SLC35F4: variants seen among roughly 807,000 people sequenced by gnomAD.
SLC35F4 encodes chromosome 14 open reading frame 36.
A neutral mutation model predicts 44.2 loss-of-function variants in SLC35F4; 24 were observed. The ratio of observed to expected loss-of-function variants is 0.54; its 90% confidence interval spans 0.39 to 0.76. The LOEUF (loss-of-function observed/expected upper bound fraction) is 0.76. Ranked by LOEUF, SLC35F4 falls within the 30% of genes least tolerant of loss-of-function variation. The probability of loss-of-function intolerance (pLI) is 0.00; values close to 1 mark genes in which losing one functional copy is unlikely to be tolerated. For synonymous variants in SLC35F4, 238 were observed against 223.6 expected (o/e 1.06, Z -0.57); for missense variants, 562 against 586.1 (o/e 0.96, Z 0.42).
chr14:57,659,554 T>G (rs1322923512), intron 1 of SLC35F4, among the ~76,000 whole-genome samples: 1 of 152,076 alleles, frequency 6.6e-6, no homozygotes, highest in Non-Finnish European at 1.5e-5. Context: ...TCCCACTTTA[T>G]AGATGAGGAA....
intron 1 of SLC35F4, among the ~76,000 whole-genome samples, chr14:57,814,721 G>A (rs1030329344): frequency 2.0e-5 from 3 of 152,148 alleles, no homozygotes; most frequent in Non-Finnish European, 4.4e-5. Context: ...GTGGTTTCAG[G>A]TAGGTTTGAA....
intron 1 of SLC35F4, among the ~76,000 whole-genome samples, chr14:57,644,620 T>G (rs969838180): frequency 1.4e-4 from 21 of 152,272 alleles, no homozygotes; most frequent in East Asian, 3.9e-4. Context: ...TTAGTTTAAT[T>G]AGATCCCATT....
At chr14:57,872,645 G>C (rs1464080848) in intron 1 of SLC35F4, among the ~76,000 whole-genome samples, 1 of 152,098 alleles carries the variant, frequency 6.6e-6, no homozygotes, top group African/African-American at 2.4e-5. Flanking sequence ...AAAGTGCAGG[G>C]GACAGATGTA....
intron 1 of SLC35F4, among the ~76,000 whole-genome samples, chr14:57,780,421 CA>C (rs1010093802): frequency 1.6e-4 from 24 of 150,492 alleles, no homozygotes; most frequent in Non-Finnish European, 2.7e-4. Context: ...AAACACTACT[CA>C]AAAAAAAATC....
intron 1 of SLC35F4, among the ~76,000 whole-genome samples, chr14:57,662,428 A>G (rs1393093669): frequency 3.9e-5 from 6 of 152,186 alleles, no homozygotes; most frequent in African/African-American, 1.4e-4. Flanking sequence ...GGTCTTTAAG[A>G]TGAATTCATG....
At chr14:57,698,538 G>A (rs1349360630) in intron 1 of SLC35F4, among the ~76,000 whole-genome samples, 2 of 152,054 alleles carry the variant, frequency 1.3e-5, no homozygotes, top group East Asian at 3.9e-4. Flanking sequence ...TACTTCTTGA[G>A]GTTCAAGCAG....
At chr14:57,634,619 G>C (rs1161190977) in intron 1 of SLC35F4, among the ~76,000 whole-genome samples, 3 of 152,112 alleles carry the variant, frequency 2.0e-5, no homozygotes, top group Admixed American at 2.0e-4. Context: ...AACCTGTAAA[G>C]GCAGGCAGGG....
At chr14:57,623,284 C>T (rs2072295977) in intron 1 of SLC35F4, among the ~76,000 whole-genome samples, 1 of 152,064 alleles carries the variant, frequency 6.6e-6, no homozygotes, top group Non-Finnish European at 1.5e-5. Context: ...TATATGTGCC[C>T]AATACAGAAG....
At chr14:57,651,574 A>G (rs2073784912) in intron 1 of SLC35F4, among the ~76,000 whole-genome samples, 1 of 152,118 alleles carries the variant, frequency 6.6e-6, no homozygotes, top group South Asian at 2.1e-4. Context: ...CACAGGAAGC[A>G]AGAGGAACCA....
chr14:57,800,078 T>C (rs559040810), intron 1 of SLC35F4, among the ~76,000 whole-genome samples: 2 of 151,992 alleles, frequency 1.3e-5, no homozygotes, highest in Non-Finnish European at 2.9e-5. Context: ...CCAACAGGGG[T>C]CTCTAGCCAC....
At chr14:57,641,156 C>G (rs573656416) in intron 1 of SLC35F4, among the ~76,000 whole-genome samples, 2 of 151,970 alleles carry the variant, frequency 1.3e-5, no homozygotes, top group African/African-American at 4.8e-5. Context: ...AAAATGTAAG[C>G]CTTTTTCTAT....
chr14:57,778,971 C>T (rs928296518), intron 1 of SLC35F4, among the ~76,000 whole-genome samples: 15 of 152,030 alleles, frequency 9.9e-5, no homozygotes, highest in African/African-American at 3.4e-4. Context: ...ACTGATAAAG[C>T]AGTGTTAAGA....
intron 1 of SLC35F4, among the ~76,000 whole-genome samples, chr14:57,676,478 T>A (rs2049138650): frequency 6.6e-6 from 1 of 152,084 alleles, no homozygotes. Flanking sequence ...CAGGGCTTAA[T>A]ACCTAGGTGA....
At chr14:57,783,285 C>T (rs2140757033) in intron 1 of SLC35F4, among the ~76,000 whole-genome samples, 1 of 151,996 alleles carries the variant, frequency 6.6e-6, no homozygotes, top group East Asian at 1.9e-4. Flanking sequence ...TATCAAGCAG[C>T]TTCTGTCCAC....
chr14:57,566,487 G>GA lies in SLC35F4; in HGVS notation c.1203dup (p.Pro402SerfsTer37), dbSNP rs1566621063. ...ATGGTGCCTGTACCTGCATTTCCAG[G>GA]AACGCTGAGCACTGTCCCAATGGAG... On this transcript the variant is annotated frameshift_variant, in exon 7 of 8. Transcript: ENST00000556826. LOFTEE classifies it high-confidence loss of function. The GA allele has an allele frequency of 3.8e-6, 6 of 1,594,094 alleles. No individual in the cohort carries two copies. Among genetic ancestry groups the GA allele is most frequent in the Non-Finnish European group, 5.1e-6 (6 of 1,170,394 alleles).
intron 1 of SLC35F4, among the ~76,000 whole-genome samples, 197 bp downstream of exon 1, chr14:57,865,526 C>G (rs1888082007): frequency 6.6e-6 from 1 of 152,186 alleles, no homozygotes; most frequent in South Asian, 2.1e-4. Flanking sequence ...GCCCCTTGCC[C>G]TCTCACGGTT....
intron 1 of SLC35F4, among the ~76,000 whole-genome samples, chr14:57,764,920 T>G (rs2077201072): frequency 6.6e-6 from 1 of 152,344 alleles, no homozygotes; most frequent in South Asian, 2.1e-4. Flanking sequence ...TTTTCAAACT[T>G]GAAACCACTT....
At chr14:57,853,953 C>G (rs1379057207) in intron 1 of SLC35F4, among the ~76,000 whole-genome samples, 1 of 152,202 alleles carries the variant, frequency 6.6e-6, no homozygotes, top group Middle Eastern at 3.2e-3. Context: ...AACAAACCAT[C>G]ACTAATACTC....
intron 3 of SLC35F4, among the ~76,000 whole-genome samples, chr14:57,588,604 A>G (rs1046773013): frequency 6.6e-6 from 1 of 152,190 alleles, no homozygotes; most frequent in Non-Finnish European, 1.5e-5. Context: ...TTTAAGCCCA[A>G]CCACCACTGT....
Sources: allele counts gnomAD v4.1 joint callset (sites outside exome capture counted in the v4.1 genomes callset), GRCh38; gene constraint gnomAD v4.1.1; transcripts MANE v1.5; gene names NCBI Gene and HGNC (gene_info 2026-07-23, HGNC 2026-07-21).